Variants in CCDC93 observed in about 807,000 individuals in gnomAD.
The protein encoded by CCDC93 is CCC complex scaffolding subunit CCDC93.
A neutral mutation model predicts 108.2 loss-of-function variants in CCDC93; 61 were observed. The observed-to-expected ratio is 0.56, with a 90% CI of 0.46 to 0.70. CCDC93 has a LOEUF of 0.70. Among genes scored for constraint, CCDC93 ranks in the 30% least tolerant of loss-of-function variants. The pLI is 0.00. For synonymous variants in CCDC93, 276 were observed against 260.4 expected (o/e 1.06, Z -0.58); for missense variants, 685 against 764.2 (o/e 0.90, Z 1.22).
chr2:117,977,376 C>A (rs896617550), intron 8 of CCDC93, among the ~76,000 whole-genome samples: 6 of 152,176 alleles, frequency 3.9e-5, no homozygotes, highest in African/African-American at 7.2e-5. Context: ...TAAACATCCT[C>A]CTCATAGAGT....
chr2:117,952,492 T>G, intron 12 of CCDC93, 57 bp from the exon 13 acceptor site: 1 of 1,228,028 alleles, frequency 8.1e-7, no homozygotes, highest in Non-Finnish European at 1.2e-6. Flanking sequence ...ACAACACAGA[T>G]GTGAATTTCA....
chr2:117,936,769 T>C, intron 20 of CCDC93, 30 bp from the exon 21 acceptor site: 1 of 1,596,470 alleles, frequency 6.3e-7, no homozygotes, highest in Non-Finnish European at 8.6e-7. Context: ...AACGAAATTA[T>C]AAGACAGGCA....
At chr2:118,013,867 A>T in intron 1 of CCDC93, 87 bp downstream of exon 1, 2 of 1,232,698 alleles carry the variant, frequency 1.6e-6, no homozygotes, top group Non-Finnish European at 1.1e-6. Flanking sequence ...CCCCTAACGC[A>T]CCCAGGGCCC....
At chr2:117,948,310 T>C (rs41279762) in intron 14 of CCDC93, 124 bp from the exon 15 acceptor site, 41,364 of 650,734 alleles carry the variant, frequency 0.064, 1,616 homozygotes, top group Non-Finnish European at 0.078. Flanking sequence ...GCTCTAAGAG[T>C]GTCTCACAGA....
At chr2:117,924,227 C>T (rs1346754762) in intron 23 of CCDC93, among the ~76,000 whole-genome samples, 3 of 152,224 alleles carry the variant, frequency 2.0e-5, no homozygotes, top group African/African-American at 7.2e-5. Flanking sequence ...AGTGCCTCTC[C>T]TCCTCCAAAG....
At chr2:117,925,602 G>A (rs1394999927) in intron 23 of CCDC93, among the ~76,000 whole-genome samples, 3 of 152,092 alleles carry the variant, frequency 2.0e-5, no homozygotes, top group Non-Finnish European at 4.4e-5. Context: ...CCCAATACAG[G>A]AGCACCCAGA....
At chr2:117,983,779 C>T (rs1282144200) in intron 7 of CCDC93, among the ~76,000 whole-genome samples, 1 of 151,944 alleles carries the variant, frequency 6.6e-6, no homozygotes, top group African/African-American at 2.4e-5. Context: ...GAGAAGCCTT[C>T]CCAGGGAGGT....
intron 8 of CCDC93, among the ~76,000 whole-genome samples, chr2:117,976,867 G>C (rs1245882532): frequency 2.0e-5 from 3 of 150,312 alleles, no homozygotes; most frequent in Non-Finnish European, 4.5e-5. Context: ...GGGAACAGCA[G>C]GGGGAGTGTG....
intron 11 of CCDC93, among the ~76,000 whole-genome samples, chr2:117,969,244 T>C (rs530019585): frequency 6.2e-4 from 94 of 152,326 alleles, no homozygotes; most frequent in African/African-American, 2.2e-3. Context: ...GAGAGGCTCA[T>C]GTGACAAGGA....
intron 22 of CCDC93, among the ~76,000 whole-genome samples, chr2:117,932,610 G>A (rs1410013325): frequency 1.3e-5 from 2 of 152,116 alleles, no homozygotes; most frequent in African/African-American, 2.4e-5. Flanking sequence ...CTCCAGTTTG[G>A]TGCCCTCCCT....
chr2:117,946,437 T>A (rs909916576), intron 16 of CCDC93, among the ~76,000 whole-genome samples: 1 of 151,978 alleles, frequency 6.6e-6, no homozygotes, highest in African/African-American at 2.4e-5. Flanking sequence ...CTTTTGGGAG[T>A]GGGGCATTAT....
chr2:117,991,705 C>T (rs1221791394), intron 6 of CCDC93, among the ~76,000 whole-genome samples: 1 of 152,184 alleles, frequency 6.6e-6, no homozygotes, highest in African/African-American at 2.4e-5. Flanking sequence ...CAGCTCCACA[C>T]CTATTTTATA....
At chr2:117,954,929 A>T (rs1468474933) in intron 12 of CCDC93, among the ~76,000 whole-genome samples, 1 of 151,394 alleles carries the variant, frequency 6.6e-6, no homozygotes, top group South Asian at 2.1e-4. Context: ...GTGAAGAAGG[A>T]CATGTTTGCT....
At chr2:117,942,952 C>T (rs1678750386) in intron 18 of CCDC93, among the ~76,000 whole-genome samples, 1 of 152,220 alleles carries the variant, frequency 6.6e-6, no homozygotes, top group African/African-American at 2.4e-5. Flanking sequence ...CTATGAATAA[C>T]ACAAATATTA....
At chr2:117,933,034 G>C (rs893548338) in intron 22 of CCDC93, among the ~76,000 whole-genome samples, 2 of 152,216 alleles carry the variant, frequency 1.3e-5, no homozygotes, top group Non-Finnish European at 2.9e-5. Context: ...GGGAGTTAGT[G>C]TGGCAACCTA....
chr2:117,929,699 G>A (rs1327189336), intron 23 of CCDC93, among the ~76,000 whole-genome samples: 1 of 152,186 alleles, frequency 6.6e-6, no homozygotes, highest in East Asian at 1.9e-4. Context: ...ATTCCTAATT[G>A]TTCCCTGCCA....
intron 1 of CCDC93, among the ~76,000 whole-genome samples, chr2:118,011,139 A>G (rs948603820): frequency 4.3e-4 from 66 of 152,384 alleles, no homozygotes; most frequent in African/African-American, 1.6e-3. Flanking sequence ...TAATGCTTAC[A>G]TAAAGTAAGT....
chr2:117,974,013 A>C lies in CCDC93; in HGVS notation c.802-19T>G. On this transcript the variant is annotated intron_variant, in intron 10 of 23. Coordinates refer to ENST00000376300, the MANE Select transcript of CCDC93 (RefSeq NM_019044.5). ...GACGGCTCTGCAAGTATATGGAGGG[A>C]ATGTTCTCAAGGCCAAGCCTTGTCT... 1 of 1,553,630 alleles carries C rather than the reference A, an allele frequency of 6.4e-7. No homozygotes were observed. The highest frequency in any genetic ancestry group is 8.8e-7 in the Non-Finnish European group (1 of 1,131,376).
chr2:117,933,423 G>A (rs1678411819), intron 22 of CCDC93, among the ~76,000 whole-genome samples: 1 of 152,136 alleles, frequency 6.6e-6, no homozygotes, highest in Non-Finnish European at 1.5e-5. Context: ...CACACCCTAG[G>A]TCTGTGAAGT....
Sources: gnomAD v4.1 joint callset for allele counts (sites outside exome capture counted in the v4.1 genomes callset) on GRCh38, gnomAD v4.1.1 for gene constraint, MANE v1.5 for transcripts, NCBI Gene and HGNC (gene_info 2026-07-23, HGNC 2026-07-21) for gene names.